Variants in KNL1 observed in about 807,000 individuals in gnomAD.
KNL1 encodes the protein kinetochore scaffold 1, also known as outer kinetochore KNL1 complex subunit KNL1.
Under a neutral mutation model 201.3 loss-of-function variants are expected in KNL1, and 66 were observed. The ratio of observed to expected loss-of-function variants is 0.33; its 90% CI spans 0.27 to 0.40. The LOEUF (loss-of-function observed/expected upper bound fraction) is 0.40, where lower values mean the gene tolerates loss of function less well. Among genes scored for constraint, KNL1 ranks in the 10% least tolerant of loss-of-function variants. The probability of loss-of-function intolerance (pLI) is 1.00; values close to 1 mark genes in which losing one functional copy is unlikely to be tolerated. For missense variants in KNL1, 2,815 were observed against 2,690.5 expected (o/e 1.05, Z -1.02); for synonymous variants, 895 against 899.2 (o/e 1.00, Z 0.08).
At chr15:40,594,467 C>G (rs1891560303) in intron 1 of KNL1, 75 bp downstream of exon 1, 2 of 152,270 alleles carry the variant, frequency 1.3e-5, no homozygotes, top group South Asian at 4.1e-4. Context: ...GAAGTTCCTG[C>G]GGTGGGAGGT....
rs895557400 is a variant in KNL1, at chr15:40,663,332, C to T, written c.*1144C>T. 1 of 175,682 alleles carries T rather than the reference C, an allele frequency of 5.7e-6. No homozygotes were observed. Among genetic ancestry groups the T allele is most frequent in the Non-Finnish European group, 1.2e-5 (1 of 81,422 alleles). 10.9% of individuals were successfully genotyped at this position (175,682 alleles called of 1,614,324 possible). A position where few individuals can be genotyped will look rare whatever the true frequency, so the allele number is the denominator to read the frequency against. Reference sequence around the variant, plus strand: ...CCTCGGCTTCAAAGTGCTGGGATTACAGGTGTGAGCCACCACACCCAGCAA... The same window carrying T: ...CCTCGGCTTCAAAGTGCTGGGATTATAGGTGTGAGCCACCACACCCAGCAA... On this transcript the variant is annotated 3_prime_UTR_variant, in exon 26 of 26. Transcript: ENST00000399668.
At chr15:40,658,866 G>C (rs2141769404) in intron 24 of KNL1, among the ~76,000 whole-genome samples, 1 of 151,106 alleles carries the variant, frequency 6.6e-6, no homozygotes, top group East Asian at 2.0e-4. Flanking sequence ...GAAGGTGGAG[G>C]TTGCAGTGAG....
chr15:40,646,856 C>CAAAAA (rs146834597), intron 16 of KNL1, 131 bp from the exon 17 acceptor site: 23 of 191,342 alleles, frequency 1.2e-4, no homozygotes, highest in Admixed American at 4.0e-4. Flanking sequence ...GACTCCGCCT[C>CAAAAA]AAAAAAAAAA....
chr15:40,596,322 G>C (rs1441654188), intron 1 of KNL1, among the ~76,000 whole-genome samples: 1 of 152,026 alleles, frequency 6.6e-6, no homozygotes, highest in Non-Finnish European at 1.5e-5. Flanking sequence ...TGTCACCCAG[G>C]CTGGAGTGCA....
At chr15:40,635,646 A>G (rs1405266054) in intron 13 of KNL1, among the ~76,000 whole-genome samples, 1 of 151,962 alleles carries the variant, frequency 6.6e-6, no homozygotes, top group Non-Finnish European at 1.5e-5. Context: ...AAGCCACCAC[A>G]CCCACCTGGG....
intron 13 of KNL1, among the ~76,000 whole-genome samples, chr15:40,636,865 C>T (rs1893069614): frequency 6.6e-6 from 1 of 152,106 alleles, no homozygotes; most frequent in African/African-American, 2.4e-5. Flanking sequence ...CTACCTAACC[C>T]TCCATTTCCC....
chr15:40,658,929 C>T (rs1039424662), intron 24 of KNL1, among the ~76,000 whole-genome samples: 2 of 76,516 alleles, frequency 2.6e-5, no homozygotes, highest in Non-Finnish European at 5.6e-5. Context: ...GACTCCATCT[C>T]AAAAAAAAAA....
chr15:40,619,355 AAT>A (rs71956781), intron 9 of KNL1, among the ~76,000 whole-genome samples: 52,698 of 145,964 alleles, frequency 0.36, 9,876 homozygotes, highest in Non-Finnish European at 0.44. Context: ...CACACAGTGT[AAT>A]ATATATATAT....
chr15:40,649,080 C>T (rs1038224756), intron 17 of KNL1, among the ~76,000 whole-genome samples: 4 of 150,700 alleles, frequency 2.7e-5, no homozygotes, highest in Non-Finnish European at 4.4e-5. Flanking sequence ...TCAGGTGATC[C>T]GCCCGCCTCG....
intron 10 of KNL1, chr15:40,626,099 G>GTGT (rs1174850514): frequency 2.0e-5 from 3 of 152,396 alleles, no homozygotes; most frequent in Non-Finnish European, 4.4e-5. Context: ...TTCCTTGGCT[G>GTGT]ACAAGGATAT....
intron 1 of KNL1, among the ~76,000 whole-genome samples, chr15:40,597,872 T>C (rs926144120): frequency 2.0e-5 from 3 of 152,152 alleles, no homozygotes; most frequent in African/African-American, 7.2e-5. Flanking sequence ...ACATGTGCAC[T>C]GAATTTGAAA....
intron 1 of KNL1, among the ~76,000 whole-genome samples, chr15:40,601,891 A>G (rs1891807796): frequency 9.9e-6 from 1 of 100,908 alleles, no homozygotes; most frequent in South Asian, 3.7e-4. Context: ...TTTTTGAGAC[A>G]GATTCTCGCT....
In KNL1 at chr15:40,608,726, C is replaced by G. The variant is rs569139745; in HGVS notation, c.136-121C>G. 2.0e-5 allele frequency: 12 copies of G among 613,572 alleles called. No individual in the cohort carries two copies. In the East Asian group the frequency reaches 3.6e-4, roughly 18 times the overall value. The allele number at this position is 613,572 out of a possible 1,614,324, so 38.0% of individuals were successfully genotyped here. A position where few individuals can be genotyped will look rare whatever the true frequency, so the allele number is the denominator to read the frequency against. On this transcript the variant is annotated intron_variant, in intron 4 of 25. Coordinates refer to ENST00000399668, the MANE Select transcript of KNL1 (RefSeq NM_144508.5). Reference sequence around the variant, plus strand: ...CACCGTTGCACTCCAGTCTGGGCAACAAGAGCGAAACTCCATCTCAAAAAA... The same window carrying G: ...CACCGTTGCACTCCAGTCTGGGCAAGAAGAGCGAAACTCCATCTCAAAAAA...
chr15:40,659,353 T>G lies in KNL1; in HGVS notation c.6728T>G (p.Phe2243Cys). ...GTCTTTTACAGATTGAGACTTTTAT[T>G]CTCTAGCTCCGCAGCATTTGCAAAG... ...DINNNELRLL[F>C]SSSAAFAKFE... The change falls in exon 25 of 26, where the codon TTC (phenylalanine) becomes TGC (cysteine). Residue 2243 changes from phenylalanine (F) to cysteine (C), a missense_variant. This residue lies in a region of KNL1 where 334 missense variants were observed against 362.6 expected (regional missense o/e 0.92). Transcript: ENST00000399668. 6.2e-7 allele frequency: 1 copy of G among 1,613,020 alleles called. No homozygotes were observed. Among genetic ancestry groups the G allele is most frequent in the South Asian group, 1.1e-5 (1 of 91,022 alleles).
intron 25 of KNL1, among the ~76,000 whole-genome samples, chr15:40,659,894 A>ATG (rs776409302): frequency 0.03 from 4,353 of 146,890 alleles, 90 homozygotes; most frequent in East Asian, 0.11. Context: ...TGAAGAATTT[A>ATG]TGTGTGTGTG....
chr15:40,629,478 T>C (rs1197856099), intron 13 of KNL1, 107 bp downstream of exon 13: 1 of 528,474 alleles, frequency 1.9e-6, no homozygotes, highest in Non-Finnish European at 3.2e-6. Flanking sequence ...TTTCTTTTTT[T>C]TTTTTTTTTG....
chr15:40,657,076 T>G lies in KNL1; in HGVS notation c.6519T>G (p.His2173Gln). 1 of 1,603,098 alleles carries G rather than the reference T, an allele frequency of 6.2e-7. No individual in the cohort carries two copies. The highest frequency in any genetic ancestry group is 8.5e-7 in the Non-Finnish European group (1 of 1,174,500). The stretch of plus-strand genomic sequence containing the variant: ...CTCCTCCTTCCTCCCTTTTAGTTCA[T>G]AAGCTTATTTTCCAGTACGTTGAAG... ...DQAPPSSLLVHKLIFQYVEEK... is the reference protein window; with the variant it reads ...DQAPPSSLLVQKLIFQYVEEK... Residue 2173 changes from histidine (H) to glutamine (Q), a missense_variant, in exon 23 of 26, where the codon CAT becomes CAG. His to Gln is a conservative substitution (Grantham distance 24, BLOSUM62 0). Coordinates refer to ENST00000399668, the MANE Select transcript of KNL1 (RefSeq NM_144508.5).
rs762783029 is a variant in KNL1 at position 40,622,034 on chromosome 15, T to G, written c.1770T>G (p.Ala590=). ...SNLGSQVPLA[A]YNLAPESTSE... is the part of the protein sequence containing the mutation. ...TAGGAAGTCAGGTTCCTCTTGCAGC[T>G]TATAATCTAGCACCGGAGAGTACCA... Residue 590 remains alanine (A), a synonymous_variant, in exon 10 of 26, where the codon GCT becomes GCG. Coordinates refer to ENST00000399668, the MANE Select transcript of KNL1 (RefSeq NM_144508.5). 6.2e-7 allele frequency: 1 copy of G among 1,614,036 alleles called. No individual in the cohort carries two copies. The highest frequency in any genetic ancestry group is 8.5e-7 in the Non-Finnish European group (1 of 1,179,940).
rs1199510483 is a variant in KNL1 at position 40,622,881 on chromosome 15, G to C, written c.2617G>C (p.Asp873His). 31 of 1,611,624 alleles carry C rather than the reference G, an allele frequency of 1.9e-5. No individual in the cohort carries two copies. The highest frequency in any genetic ancestry group is 2.5e-5 in the Non-Finnish European group (30 of 1,178,092). ...VFSEDDKNDM[D>H]ITKSYTIEIN... ...TTCAGAAGACGATAAGAATGATATG[G>C]ATATCACTAAGAGTTATACAATAGA... The change falls in exon 10 of 26, where the codon GAT becomes CAT. Residue 873 changes from aspartate to histidine, a missense_variant. Coordinates refer to ENST00000399668, the MANE Select transcript of KNL1 (RefSeq NM_144508.5).
Sources: allele counts gnomAD v4.1 joint callset (sites outside exome capture counted in the v4.1 genomes callset), GRCh38; gene constraint gnomAD v4.1.1; regional missense constraint gnomAD v4.1.1; transcripts MANE v1.5; gene names NCBI Gene and HGNC (gene_info 2026-07-23, HGNC 2026-07-21).